SGCD: variants seen among roughly 807,000 people sequenced by gnomAD.
SGCD encodes delta-sarcoglycan.
Under a neutral mutation model 36.6 loss-of-function variants are expected in SGCD, and 18 were observed. The ratio of observed to expected loss-of-function variants is 0.49; its 90% CI spans 0.34 to 0.73. The LOEUF (loss-of-function observed/expected upper bound fraction) is 0.73, where lower values mean the gene tolerates loss of function less well. SGCD is among the 30% of genes least tolerant of loss of function. The probability of loss-of-function intolerance (pLI) is 0.01; values close to 1 mark genes in which losing one functional copy is unlikely to be tolerated. For missense variants in SGCD, 387 were observed against 346.7 expected (o/e 1.12, Z -0.92); for synonymous variants, 133 against 130.6 (o/e 1.02, Z -0.12).
chr5:156,625,538 T>C (rs565456232), intron 6 of SGCD, among the ~76,000 whole-genome samples: 1 of 152,328 alleles, frequency 6.6e-6, no homozygotes, highest in South Asian at 2.1e-4. Flanking sequence ...TTTTCTATAT[T>C]CTCATCAGAG....
chr5:156,452,121 G>T (rs1258895047), intron 3 of SGCD, among the ~76,000 whole-genome samples: 1 of 152,102 alleles, frequency 6.6e-6, no homozygotes, highest in Non-Finnish European at 1.5e-5. Flanking sequence ...AGTTGTAGTA[G>T]CTTCCCTTGA....
intron 1 of SGCD, among the ~76,000 whole-genome samples, chr5:155,921,555 T>G (rs1756879799): frequency 6.7e-6 from 1 of 148,460 alleles, no homozygotes. Context: ...CAATCTTTCT[T>G]TCTCTGGAAA....
chr5:156,211,641 G>C (rs1306561585), intron 3 of SGCD, among the ~76,000 whole-genome samples: 2 of 150,438 alleles, frequency 1.3e-5, no homozygotes, highest in African/African-American at 4.9e-5. Flanking sequence ...AGAAAACAGT[G>C]ATAATTAGTA....
intron 3 of SGCD, among the ~76,000 whole-genome samples, chr5:156,226,336 T>G (rs1040507587): frequency 1.3e-5 from 2 of 152,176 alleles, no homozygotes; most frequent in East Asian, 3.9e-4. Flanking sequence ...TTTCCATTCC[T>G]GAGTTATTTT....
intron 3 of SGCD, among the ~76,000 whole-genome samples, chr5:156,197,875 TA>T (rs1446474443): frequency 6.6e-6 from 1 of 152,102 alleles, no homozygotes; most frequent in Non-Finnish European, 1.5e-5. Flanking sequence ...TTTATGTACA[TA>T]TGGAATGATT....
chr5:155,886,655 G>T (rs1247076634), intron 1 of SGCD, among the ~76,000 whole-genome samples: 1 of 152,214 alleles, frequency 6.6e-6, no homozygotes, highest in East Asian at 1.9e-4. Context: ...GTTGCAAAAG[G>T]ATATTCCTGT....
the SGCD span, among the ~76,000 whole-genome samples, chr5:155,762,127 T>C: frequency 3.3e-5 from 5 of 152,184 alleles, no homozygotes; most frequent in Non-Finnish European, 5.9e-5. Context: ...CCATGCTAAG[T>C]GTGATTATAC....
At chr5:156,206,281 G>A (rs1004097355) in intron 3 of SGCD, among the ~76,000 whole-genome samples, 1 of 151,538 alleles carries the variant, frequency 6.6e-6, no homozygotes, top group Non-Finnish European at 1.5e-5. Flanking sequence ...TGGCATTCGG[G>A]GTTTTCCCAA....
chr5:156,315,386 G>A (rs2127693289), intron 3 of SGCD, among the ~76,000 whole-genome samples: 1 of 151,884 alleles, frequency 6.6e-6, no homozygotes, highest in East Asian at 1.9e-4. Flanking sequence ...AATGGCAGCA[G>A]GATTTACCTT....
At chr5:156,656,576 A>C (rs551943039) in intron 7 of SGCD, among the ~76,000 whole-genome samples, 1 of 152,308 alleles carries the variant, frequency 6.6e-6, no homozygotes, top group East Asian at 1.9e-4. Flanking sequence ...GGTATTTACA[A>C]AAATTGATTT....
intron 6 of SGCD, among the ~76,000 whole-genome samples, chr5:156,605,056 T>G (rs1227305409): frequency 6.6e-6 from 1 of 151,936 alleles, no homozygotes; most frequent in Non-Finnish European, 1.5e-5. Context: ...TGTGTGTGTG[T>G]TTTATTATTA....
At chr5:155,902,374 T>C in intron 1 of SGCD, among the ~76,000 whole-genome samples, 1 of 152,250 alleles carries the variant, frequency 6.6e-6, no homozygotes. Context: ...GTTCCCTCTT[T>C]GAATTCAAAA....
chr5:156,073,594 C>G (rs1236408763), intron 1 of SGCD, among the ~76,000 whole-genome samples: 2 of 152,094 alleles, frequency 1.3e-5, no homozygotes, highest in African/African-American at 4.8e-5. Flanking sequence ...CACACTATCT[C>G]ATAAGATCTC....
intron 1 of SGCD, among the ~76,000 whole-genome samples, chr5:156,019,269 G>C (rs372469500): frequency 1.3e-5 from 2 of 152,308 alleles, no homozygotes; most frequent in South Asian, 2.1e-4. Flanking sequence ...CTAGGGAGCA[G>C]TAAATCACCA....
the SGCD span, among the ~76,000 whole-genome samples, chr5:155,751,212 G>C: frequency 2.3e-4 from 35 of 152,136 alleles, no homozygotes; most frequent in East Asian, 6.6e-3. Context: ...TAGTTTTAGG[G>C]GCATGAGTGG....
At chr5:156,667,009 A>G (rs948122982) in intron 7 of SGCD, among the ~76,000 whole-genome samples, 1 of 152,208 alleles carries the variant, frequency 6.6e-6, no homozygotes, top group African/African-American at 2.4e-5. Flanking sequence ...CCAAATCCAA[A>G]AATCCAAAAT....
chr5:156,232,764 G>C (rs1463811296), intron 3 of SGCD, among the ~76,000 whole-genome samples: 2 of 152,128 alleles, frequency 1.3e-5, no homozygotes, highest in Non-Finnish European at 2.9e-5. Flanking sequence ...GTGGGATTCT[G>C]CCTTGCCTTT....
At chr5:156,192,420 G>C (rs1763913954) in intron 3 of SGCD, among the ~76,000 whole-genome samples, 1 of 152,092 alleles carries the variant, frequency 6.6e-6, no homozygotes, top group African/African-American at 2.4e-5. Context: ...AGCTAAAAAA[G>C]TTGATCTCAT....
chr5:156,058,598 A>G (rs992500745), intron 1 of SGCD, among the ~76,000 whole-genome samples: 1 of 146,068 alleles, frequency 6.8e-6, no homozygotes, highest in East Asian at 1.9e-4. Flanking sequence ...CCTAAATTTT[A>G]TCCTGATTCA....
Sources: gnomAD v4.1 joint callset for allele counts (sites outside exome capture counted in the v4.1 genomes callset) on GRCh38, gnomAD v4.1.1 for gene constraint, MANE v1.5 for transcripts, NCBI Gene and HGNC (gene_info 2026-07-23, HGNC 2026-07-21) for gene names.